STARD9: variants seen among roughly 807,000 people sequenced by gnomAD.
STARD9 encodes stAR-related lipid transfer protein 9.
A neutral mutation model predicts 399.8 loss-of-function variants in STARD9; 346 were observed. The ratio of observed to expected loss-of-function variants is 0.87; its 90% CI spans 0.79 to 0.95. The LOEUF is 0.95. STARD9 is among the 40% of genes least tolerant of loss of function. The pLI, the probability that STARD9 is intolerant of heterozygous loss-of-function variation, is 0.00. For synonymous variants in STARD9, 2,203 were observed against 2,143.5 expected (o/e 1.03, Z -0.77); for missense variants, 5,832 against 5,667.5 (o/e 1.03, Z -0.93).
intron 3 of STARD9, among the ~76,000 whole-genome samples, chr15:42,622,105 A>C (rs2059104960): frequency 6.6e-6 from 1 of 151,798 alleles, no homozygotes; most frequent in Admixed American, 6.6e-5. Context: ...TCCTCTCCTA[A>C]TTTATAACTC....
intron 3 of STARD9, among the ~76,000 whole-genome samples, chr15:42,607,683 C>CAA (rs1209760557): frequency 3.3e-5 from 5 of 149,766 alleles, no homozygotes; most frequent in African/African-American, 1.3e-4. Flanking sequence ...CACACACACA[C>CAA]ACAAATATAT....
chr15:42,662,971 A>G (rs766696626), intron 11 of STARD9, 80 bp downstream of exon 11: 542 of 1,076,074 alleles, frequency 5.0e-4, no homozygotes, highest in Non-Finnish European at 6.8e-4. Context: ...AATAGGGTAG[A>G]CACAGGGTTC....
Position 42,685,838 on chromosome 15 carries a change from G to A in STARD9, c.4260G>A (p.Thr1420=), listed in dbSNP as rs145019846. The A allele has an allele frequency of 3.6e-4, 558 of 1,537,108 alleles. 6 individuals are homozygous for A. In the East Asian group the frequency reaches 0.012, roughly 32 times the overall value. The change falls in exon 23 of 33, where the codon ACG becomes ACA. Residue 1420 remains threonine, a synonymous_variant. Transcript: ENST00000290607. Reference sequence around the variant, plus strand: ...AGCACACAGCCTCTGCTGCTGATACGTCTAGGCTGTCTCTCTGGGGAATTC... The same window carrying A: ...AGCACACAGCCTCTGCTGCTGATACATCTAGGCTGTCTCTCTGGGGAATTC... ...RDEHTASAAD[T]SRLSLWGIQR... is the part of the protein sequence containing the mutation.
chr15:42,707,355 T>A (rs7183487), intron 26 of STARD9, among the ~76,000 whole-genome samples: 42,642 of 151,876 alleles, frequency 0.28, 7,651 homozygotes, highest in African/African-American at 0.51. Context: ...CGCAAATCCA[T>A]CACTGAGAAG....
intron 3 of STARD9, among the ~76,000 whole-genome samples, chr15:42,611,143 A>G (rs144114925): frequency 2.8e-3 from 424 of 152,272 alleles, no homozygotes; most frequent in African/African-American, 9.6e-3. Context: ...GCAAACTATG[A>G]TCTGTGGGCC....
intron 15 of STARD9, among the ~76,000 whole-genome samples, chr15:42,666,398 G>C (rs2060103876): frequency 6.6e-6 from 1 of 152,162 alleles, no homozygotes; most frequent in Non-Finnish European, 1.5e-5. Context: ...TGCTAGGGTT[G>C]TTACATAGGG....
At chr15:42,642,944 A>C (rs1018001186) in intron 7 of STARD9, among the ~76,000 whole-genome samples, 1 of 151,900 alleles carries the variant, frequency 6.6e-6, no homozygotes, top group Non-Finnish European at 1.5e-5. Context: ...TACTACAGAC[A>C]TGTGCCATCA....
intron 3 of STARD9, chr15:42,629,979 A>G (rs972403522): frequency 6.6e-6 from 1 of 150,604 alleles, no homozygotes; most frequent in African/African-American, 2.4e-5. Flanking sequence ...CCACTTGGTC[A>G]CGATAAATGA....
At chr15:42,641,489 A>C (rs1008106111) in intron 7 of STARD9, among the ~76,000 whole-genome samples, 1 of 150,650 alleles carries the variant, frequency 6.6e-6, no homozygotes, top group Non-Finnish European at 1.5e-5. Context: ...TACATCGGGT[A>C]TATCTCCTAA....
rs776706583 is a variant in STARD9 at position 42,694,058 on chromosome 15, G to A, written c.12480G>A (p.Glu4160=). ...CACCTGGGGGGTTGGACATGACTGAGGAGGAGCTGGGGGCCAGCGGTGATC... is the reference window on the plus strand; with the variant it reads ...CACCTGGGGGGTTGGACATGACTGAAGAGGAGCTGGGGGCCAGCGGTGATC... ...KGSPGGLDMT[E]EELGASGDLS... The change falls in exon 23 of 33, where the codon GAG becomes GAA. Residue 4160 remains glutamate, a synonymous_variant. Transcript: ENST00000290607. 7.2e-6 allele frequency: 11 copies of A among 1,536,600 alleles called. No homozygotes were observed. The South Asian group carries it at 1.3e-4, about 18-fold the overall frequency.
At chr15:42,712,081 T>TTA (rs1555410909) in intron 26 of STARD9, among the ~76,000 whole-genome samples, 29 of 39,124 alleles carry the variant, frequency 7.4e-4, no homozygotes, top group East Asian at 5.4e-3. Context: ...TATATATATA[T>TTA]TATATATATA....
intron 3 of STARD9, 70 bp downstream of exon 3, chr15:42,585,707 T>A: frequency 9.8e-7 from 1 of 1,017,554 alleles, no homozygotes; most frequent in South Asian, 1.4e-5. Flanking sequence ...ATGTTTATTA[T>A]AAAGATACTT....
In STARD9 at chr15:42,691,710, C is replaced by A. The variant is rs1237900149; in HGVS notation, c.10132C>A (p.Gln3378Lys). The A allele has an allele frequency of 2.0e-6, 3 of 1,537,270 alleles. No homozygotes were observed. The South Asian group carries it at 3.6e-5, about 18-fold the overall frequency. Residue 3378 changes from glutamine to lysine, a missense_variant, in exon 23 of 33, where the codon CAG becomes AAG. This residue lies in a region of STARD9 where 5,828 missense variants were observed against 5,651.1 expected (regional missense o/e 1.03). Transcript: ENST00000290607. ...SGKSVARTSL[Q>K]AEDSNQKASS... Reference sequence around the variant, plus strand: ...AAAGTCAGTGGCAAGAACATCTCTGCAGGCTGAGGACAGCAATCAGAAAGC... The same window carrying A: ...AAAGTCAGTGGCAAGAACATCTCTGAAGGCTGAGGACAGCAATCAGAAAGC...
chr15:42,665,964 A>G (rs1224476831), intron 15 of STARD9, 116 bp downstream of exon 15: 6 of 840,030 alleles, frequency 7.1e-6, no homozygotes, highest in Non-Finnish European at 9.6e-6. Context: ...TCTCATTTAA[A>G]TACAATGTTT....
At chr15:42,632,175 C>T (rs1199772598) in intron 3 of STARD9, among the ~76,000 whole-genome samples, 1 of 151,970 alleles carries the variant, frequency 6.6e-6, no homozygotes, top group African/African-American at 2.4e-5. Flanking sequence ...CTGAATTGAC[C>T]CCTTTCTGAT....
rs556658307 is a variant in STARD9 at position 42,575,845 on chromosome 15, C to T, written c.47+83C>T. 5.4e-5 allele frequency: 77 copies of T among 1,426,018 alleles called. No individual in the cohort carries two copies. In the South Asian group the frequency reaches 8.7e-4, roughly 16 times the overall value. The allele number at this position is 1,426,018 out of a possible 1,614,324, so 88.3% of individuals were successfully genotyped here. On this transcript the variant is annotated intron_variant, in intron 1 of 32. Transcript: ENST00000290607. ...GTCCGCGTCTCCCCCTGCAGAGATT[C>T]TGGCGCGCAGAAATCGGTGACAAAG...
chr15:42,607,676 A>G (rs2058763253), intron 3 of STARD9, among the ~76,000 whole-genome samples: 1 of 151,394 alleles, frequency 6.6e-6, no homozygotes, highest in Non-Finnish European at 1.5e-5. Context: ...ACACACACAC[A>G]CACACACACA....
intron 9 of STARD9, among the ~76,000 whole-genome samples, chr15:42,658,031 G>A (rs1479286906): frequency 6.6e-6 from 1 of 152,182 alleles, no homozygotes; most frequent in Non-Finnish European, 1.5e-5. Flanking sequence ...CATAACTTAG[G>A]AGAACCTTTG....
chr15:42,695,371 G>A, intron 25 of STARD9, 48 bp downstream of exon 25: 1 of 1,466,350 alleles, frequency 6.8e-7, no homozygotes, highest in Admixed American at 2.1e-5. Context: ...CTGGACCTCA[G>A]ACTGGTACAC....
Sources: gnomAD v4.1 joint callset for allele counts (sites outside exome capture counted in the v4.1 genomes callset) on GRCh38, gnomAD v4.1.1 for gene constraint, gnomAD v4.1.1 regional missense constraint, MANE v1.5 for transcripts, NCBI Gene and HGNC (gene_info 2026-07-23, HGNC 2026-07-21) for gene names.